Variants in KRT73 observed in about 807,000 individuals in gnomAD.
The protein encoded by KRT73 is keratin 73.
A neutral mutation model predicts 47.2 loss-of-function variants in KRT73; 44 were observed. That is an observed-to-expected ratio of 0.93 (90% CI 0.73 to 1.20). The LOEUF (loss-of-function observed/expected upper bound fraction) is 1.20, where lower values mean the gene tolerates loss of function less well. Among genes scored for constraint, KRT73 ranks in the 50% most tolerant of loss-of-function variants. The pLI is 0.00. For synonymous variants in KRT73, 285 were observed against 291.3 expected (o/e 0.98, Z 0.22); for missense variants, 713 against 704.5 (o/e 1.01, Z -0.14).
intron 7 of KRT73, chr12:52,610,264 C>T (rs923338465): frequency 1.4e-5 from 4 of 294,014 alleles, no homozygotes; most frequent in Non-Finnish European, 2.6e-5. Context: ...TTAGTAGAGA[C>T]GAGGTTTCTC....
the KRT73 span, among the ~76,000 whole-genome samples, chr12:52,627,587 CT>C: frequency 6.6e-6 from 1 of 152,148 alleles, no homozygotes. Context: ...GAGAGTTGCC[CT>C]TGTGACCCAA....
At chr12:52,624,830 A>T in the KRT73 span, among the ~76,000 whole-genome samples, 1 of 147,022 alleles carries the variant, frequency 6.8e-6, no homozygotes, top group Non-Finnish European at 1.5e-5. Flanking sequence ...AAAAAAAAAA[A>T]TAGATAAATT....
rs116841815 is a variant in KRT73 at position 52,608,530 on chromosome 12, G to A, written c.1367-78C>T. The A allele has an allele frequency of 6.2e-6, 8 of 1,298,666 alleles. No individual in the cohort carries two copies. In the Admixed American group the frequency reaches 1.3e-4, roughly 21 times the overall value. The allele number at this position is 1,298,666 out of a possible 1,614,324, so 80.4% of individuals were successfully genotyped here. On this transcript the variant is annotated intron_variant, in intron 8 of 8. Transcript: ENST00000305748. The stretch of plus-strand genomic sequence containing the variant: ...CCTTAAGTCCCCCTCCAACCTCCCA[G>A]CCCCACTAGCTTAAATACCTCCTTC...
At chr12:52,611,983 A>C (rs1450976888) in intron 5 of KRT73, among the ~76,000 whole-genome samples, 1 of 152,152 alleles carries the variant, frequency 6.6e-6, no homozygotes, top group African/African-American at 2.4e-5. Flanking sequence ...ACCTGTTTCC[A>C]TGTGTTCTCC....
Position 52,618,221 on chromosome 12 carries a change from C to G in KRT73, c.304G>C (p.Gly102Arg), listed in dbSNP as rs199866943. ...TTGATGGTGACCTGATGGATACCCC[C>G]GGGCGGGCACAACGACGGACACACG... The part of the protein sequence containing the change: ...GSVCPSLCPP[G>R]GIHQVTINKS... The change falls in exon 1 of 9, where the codon GGG (glycine) becomes CGG (arginine). Residue 102 changes from glycine to arginine, a missense_variant. By Grantham distance (125) the Gly-to-Arg change is moderately radical. Transcript: ENST00000305748. 6.2e-7 allele frequency: 1 copy of G among 1,614,140 alleles called. No homozygotes were observed.
chr12:52,610,675 T>C lies in KRT73; in HGVS notation c.1271A>G (p.Lys424Arg). The change falls in exon 7 of 9, where the codon AAG becomes AGG. Residue 424 changes from lysine to arginine, a missense_variant. Physicochemically the swap from Lys to Arg is conservative, Grantham distance 26 (BLOSUM62 2). Coordinates refer to ENST00000305748, the MANE Select transcript of KRT73 (RefSeq NM_175068.3). ...GGCGATCTCAATATCCAGGGACAGC[T>C]TCACGCTCAAAAGCTCTTGGTACTC... ...LREYQELLSV[K>R]LSLDIEIATY... 6.2e-7 allele frequency: 1 copy of C among 1,613,820 alleles called. No individual in the cohort carries two copies. The highest frequency in any genetic ancestry group is 8.5e-7 in the Non-Finnish European group (1 of 1,179,976).
At chr12:52,617,758 C>T (rs982323053) in intron 1 of KRT73, among the ~76,000 whole-genome samples, 12 of 152,194 alleles carry the variant, frequency 7.9e-5, no homozygotes, top group Non-Finnish European at 1.2e-4. Context: ...ACCCTGGTCC[C>T]TTGCCTCTGA....
chr12:52,608,846 A>G (rs1012186646), intron 8 of KRT73, among the ~76,000 whole-genome samples: 4 of 152,230 alleles, frequency 2.6e-5, no homozygotes, highest in Non-Finnish European at 5.9e-5. Flanking sequence ...GAGACTGCCA[A>G]ACCCTGTGGG....
At chr12:52,614,363 T>G in intron 4 of KRT73, 1 of 505,044 alleles carries the variant, frequency 2.0e-6, no homozygotes, top group Non-Finnish European at 3.5e-6. Flanking sequence ...GACTCTGTTT[T>G]CCTGGAGGAA....
chr12:52,610,643 G>C lies in KRT73; in HGVS notation c.1303C>G (p.Arg435Gly). Residue 435 changes from arginine to glycine, a missense_variant, in exon 7 of 9, where the codon CGC becomes GGC. Physicochemically the swap from Arg to Gly is moderately radical, Grantham distance 125. Transcript: ENST00000305748. ...LSLDIEIATY[R>G]KLLEGEECRM... is the part of the protein sequence containing the mutation. ...CACTCCTCGCCCTCCAGCAGCTTGC[G>C]GTAGGTGGCGATCTCAATATCCAGG... is the stretch of plus-strand genomic sequence containing the variant. The C allele has an allele frequency of 1.2e-6, 2 of 1,600,240 alleles. No individual in the cohort carries two copies. The highest frequency in any genetic ancestry group is 1.7e-6 in the Non-Finnish European group (2 of 1,171,718).
rs553929657 is a variant in KRT73, at chr12:52,615,513, G to A, written c.663-174C>T. 7.2e-5 allele frequency among the ~76,000 whole-genome samples: 11 copies of A among 152,264 alleles called. No homozygotes were observed. The East Asian group carries it at 9.7e-4, about 13-fold the overall frequency. On this transcript the variant is annotated intron_variant, in intron 2 of 8. Transcript: ENST00000305748. ...GACTATTTGGCCAGAGTTGGAGGCC[G>A]GGTATGAAGTAACCTCCTCCTGAGC...
upstream of KRT73, among the ~76,000 whole-genome samples, chr12:52,622,238 C>G (rs1940918885): frequency 6.6e-6 from 1 of 152,076 alleles, no homozygotes; most frequent in South Asian, 2.1e-4. Flanking sequence ...AAATGAACAA[C>G]TAAGAACATG....
Position 52,610,646 on chromosome 12 carries a change from A to G in KRT73, c.1300T>C (p.Tyr434His). The change falls in exon 7 of 9, where the codon TAC becomes CAC. Residue 434 changes from tyrosine to histidine, a missense_variant. By Grantham distance (83) the Tyr-to-His change is moderately conservative (BLOSUM62 2). Coordinates refer to ENST00000305748, the MANE Select transcript of KRT73 (RefSeq NM_175068.3). The part of the protein sequence containing the change: ...KLSLDIEIAT[Y>H]RKLLEGEECR... ...TCCTCGCCCTCCAGCAGCTTGCGGT[A>G]GGTGGCGATCTCAATATCCAGGGAC... The G allele has an allele frequency of 6.2e-7, 1 of 1,607,012 alleles. No homozygotes were observed. Among genetic ancestry groups the G allele is most frequent in the Middle Eastern group, 1.7e-4 (1 of 6,018 alleles).
the KRT73 span, among the ~76,000 whole-genome samples, chr12:52,627,327 G>C: frequency 6.6e-6 from 1 of 152,174 alleles, no homozygotes; most frequent in African/African-American, 2.4e-5. Context: ...TTTTGTATTA[G>C]TGTTGAGAAC....
At chr12:52,628,259 C>T in the KRT73 span, among the ~76,000 whole-genome samples, 448 of 152,148 alleles carry the variant, frequency 2.9e-3, 2 homozygotes, top group Admixed American at 4.4e-3. Context: ...ATACTCATTC[C>T]GGCAGAAGGG....
upstream of KRT73, among the ~76,000 whole-genome samples, chr12:52,619,890 C>T (rs1057224020): frequency 6.6e-5 from 10 of 152,024 alleles, no homozygotes; most frequent in Non-Finnish European, 1.5e-4. Context: ...ACAGTTGGCC[C>T]ATCCTTCTTT....
intron 3 of KRT73, chr12:52,615,027 C>T: frequency 1.8e-6 from 1 of 542,236 alleles, no homozygotes; most frequent in African/African-American, 1.9e-5. Flanking sequence ...CAAAGCCTGT[C>T]CTGTTCCCCA....
chr12:52,625,475 G>A, the KRT73 span, among the ~76,000 whole-genome samples: 1 of 152,142 alleles, frequency 6.6e-6, no homozygotes, highest in Non-Finnish European at 1.5e-5. Flanking sequence ...ATAAGACTTA[G>A]TGGCAACACT....
the KRT73 span, among the ~76,000 whole-genome samples, chr12:52,630,142 T>A: frequency 0.14 from 21,696 of 152,248 alleles, 2,098 homozygotes; most frequent in South Asian, 0.23. Context: ...TCAGTGCTCA[T>A]CACGTGCACC....
Sources: allele counts gnomAD v4.1 joint callset (sites outside exome capture counted in the v4.1 genomes callset), GRCh38; gene constraint gnomAD v4.1.1; transcripts MANE v1.5; gene names NCBI Gene and HGNC (gene_info 2026-07-23, HGNC 2026-07-21).